POLR3G: variants seen among roughly 807,000 people sequenced by gnomAD.
POLR3G encodes the protein DNA-directed RNA polymerase III subunit RPC7.
In POLR3G, 28 loss-of-function variants were observed where a neutral mutation model predicts 30.1. The observed-to-expected ratio is 0.93, with a 90% CI of 0.69 to 1.27. The LOEUF (loss-of-function observed/expected upper bound fraction) is 1.27, where lower values mean the gene tolerates loss of function less well. POLR3G is among the 50% of genes most tolerant of loss of function. The probability of loss-of-function intolerance (pLI) is 0.00; values close to 1 mark genes in which losing one functional copy is unlikely to be tolerated. For synonymous variants in POLR3G, 79 were observed against 82.5 expected, an observed-to-expected ratio of 0.96 and a Z score of 0.23; for missense variants, 254 against 264.6, an observed-to-expected ratio of 0.96 and a Z score of 0.28.
chr5:90,479,433 A>C (rs1356463784), intron 1 of POLR3G, among the ~76,000 whole-genome samples: 4 of 152,166 alleles, frequency 2.6e-5, no homozygotes, highest in Admixed American at 1.3e-4. Flanking sequence ...AGATCGCACC[A>C]ATGCACTCCA....
chr5:90,489,554 A>G (rs955445913), intron 3 of POLR3G, among the ~76,000 whole-genome samples: 1 of 152,098 alleles, frequency 6.6e-6, no homozygotes, highest in Admixed American at 6.5e-5. Context: ...GACGTGAGCC[A>G]CCATGCCCGG....
In POLR3G at chr5:90,495,663, C is replaced by CT; in HGVS notation, c.248-8dup. The CT allele has an allele frequency of 1.3e-6, 2 of 1,599,008 alleles. No homozygotes were observed. The highest frequency in any genetic ancestry group is 3.5e-5 in the Admixed American group (2 of 57,818). ...TGATTTTCCTAATGAGTTCTTTATTCTTTTTTCCCCTAGATATTGAAAGGT... is the reference window on the plus strand; with the variant it reads ...TGATTTTCCTAATGAGTTCTTTATTCTTTTTTTCCCCTAGATATTGAAAGGT... On this transcript the variant is annotated splice_polypyrimidine_tract_variant and intron_variant, in intron 3 of 7. Coordinates refer to ENST00000651687, the MANE Select transcript of POLR3G (RefSeq NM_006467.3).
chr5:90,475,780 C>T (rs1184270231), intron 1 of POLR3G, among the ~76,000 whole-genome samples: 6 of 152,154 alleles, frequency 3.9e-5, no homozygotes, highest in Non-Finnish European at 5.9e-5. Context: ...GGCGCGATCT[C>T]GTCTCACTGC....
At chr5:90,483,741 G>GA (rs1301151857) in intron 1 of POLR3G, among the ~76,000 whole-genome samples, 1 of 151,840 alleles carries the variant, frequency 6.6e-6, no homozygotes, top group African/African-American at 2.4e-5. Context: ...AGGTTGCAGT[G>GA]AAAAAAATAA....
Position 90,501,947 on chromosome 5 carries a change from A to C in POLR3G, c.397A>C (p.Thr133Pro). 1 of 1,613,644 alleles carries C rather than the reference A, an allele frequency of 6.2e-7. No individual in the cohort carries two copies. The highest frequency in any genetic ancestry group is 1.1e-5 in the South Asian group (1 of 91,030). The change falls in exon 6 of 8, where the codon ACA becomes CCA. Residue 133 changes from threonine (T) to proline (P), a missense_variant. Thr to Pro is a conservative substitution (Grantham distance 38). Transcript: ENST00000651687. ...PKKAKDAGKG[T>P]PLTNTEDVLK... Reference sequence around the variant, plus strand: ...AAAGGCAAAAGACGCAGGCAAAGGCACACCACTCACTAATACTGAAGATGT... The same window carrying C: ...AAAGGCAAAAGACGCAGGCAAAGGCCCACCACTCACTAATACTGAAGATGT...
intron 1 of POLR3G, among the ~76,000 whole-genome samples, chr5:90,475,713 T>C (rs1334612647): frequency 6.6e-6 from 1 of 152,040 alleles, no homozygotes; most frequent in African/African-American, 2.4e-5. Flanking sequence ...TTTAGGGTTT[T>C]TGTTTGTTTG....
intron 4 of POLR3G, among the ~76,000 whole-genome samples, chr5:90,497,281 T>TG (rs1459207234): frequency 6.6e-6 from 1 of 152,048 alleles, no homozygotes; most frequent in Non-Finnish European, 1.5e-5. Context: ...GCATAAGAAA[T>TG]ATATCAACTA....
At chr5:90,499,789 A>G (rs1422265219) in intron 5 of POLR3G, among the ~76,000 whole-genome samples, 5 of 152,108 alleles carry the variant, frequency 3.3e-5, no homozygotes, top group Admixed American at 6.6e-5. Flanking sequence ...TATTTAAGGC[A>G]GAGTATTTTT....
Position 90,495,791 on chromosome 5 carries a change from TG to T in POLR3G, c.304+59del, listed in dbSNP as rs1187234782. 7 of 1,507,830 alleles carry T rather than the reference TG, an allele frequency of 4.6e-6. No individual in the cohort carries two copies. The African/African-American group carries it at 5.8e-5, about 12-fold the overall frequency. 93.4% of individuals were successfully genotyped at this position (1,507,830 alleles called of 1,614,324 possible). ...TTTAAAGGCTGTCTCTCTCACCTCA[TG>T]TTTTTTTTTTAGAATAAGTTTTCTA... On this transcript the variant is annotated intron_variant, in intron 4 of 7. Transcript: ENST00000651687.
Position 90,487,378 on chromosome 5 carries a change from A to ATTTTTTTTTTTTTTTTTTTTTT in POLR3G, c.118-614_118-593dup, listed in dbSNP as rs59951999. On this transcript the variant is annotated intron_variant, in intron 2 of 7. Coordinates refer to ENST00000651687, the MANE Select transcript of POLR3G (RefSeq NM_006467.3). The stretch of plus-strand genomic sequence containing the variant: ...TTTTCTTTTTTTTTTTGGTACATTA[A>ATTTTTTTTTTTTTTTTTTTTTT]TTTTTTTTTTTTTTTTTTTTTTTTT... Among the ~76,000 whole-genome samples, 9 of 57,028 alleles carry ATTTTTTTTTTTTTTTTTTTTTT rather than the reference A, an allele frequency of 1.6e-4. 1 individual carries two copies. Among genetic ancestry groups the ATTTTTTTTTTTTTTTTTTTTTT allele is most frequent in the African/African-American group, 7.1e-4 (9 of 12,634 alleles). The allele number at this position is 57,028 out of a possible 152,430, so 37.4% of individuals were successfully genotyped here.
At chr5:90,490,936 G>T (rs1751694876) in intron 3 of POLR3G, 1 of 157,440 alleles carries the variant, frequency 6.4e-6, no homozygotes, top group African/African-American at 2.4e-5. Context: ...TAGAGATGTT[G>T]CATGACTGTA....
At chr5:90,474,105 A>T, upstream of POLR3G, 1 of 1,577,322 alleles carries the variant, frequency 6.3e-7, no homozygotes. Flanking sequence ...TCGGTCCTGC[A>T]AGAGGCCGGA....
At chr5:90,477,750 C>G (rs972282365) in intron 1 of POLR3G, among the ~76,000 whole-genome samples, 6 of 152,092 alleles carry the variant, frequency 3.9e-5, no homozygotes, top group Admixed American at 2.0e-4. Flanking sequence ...TTGGACGAAA[C>G]GCGCAAAGCA....
At position 90,511,969 on chromosome 5, in the gene POLR3G, A is replaced by T. The variant is rs1752758345; in HGVS notation, c.586-84A>T. On this transcript the variant is annotated intron_variant, in intron 7 of 7. Coordinates refer to ENST00000651687, the MANE Select transcript of POLR3G (RefSeq NM_006467.3). ...AACTGTTGTGTTTTTGAAGCAGATA[A>T]AAAGCAGAGACTTTTAGGCCTGGAA... 3.2e-6 allele frequency: 3 copies of T among 929,526 alleles called. No homozygotes were observed. In the East Asian group the frequency reaches 7.6e-5, roughly 24 times the overall value. The allele number at this position is 929,526 out of a possible 1,614,324, so 57.6% of individuals were successfully genotyped here. A position where few individuals can be genotyped will look rare whatever the true frequency, so the allele number is the denominator to read the frequency against.
At chr5:90,477,393 T>C (rs1750887580) in intron 1 of POLR3G, among the ~76,000 whole-genome samples, 1 of 152,082 alleles carries the variant, frequency 6.6e-6, no homozygotes, top group African/African-American at 2.4e-5. Flanking sequence ...GCAGAGTGGA[T>C]TGAAAGGGAG....
rs1454332223 is a variant in POLR3G at position 90,512,828 on chromosome 5, T to C, written c.*689T>C. ...AGACTTAATACTGTATATGAATTAA[T>C]CATCCCACTGTAATAACTGACATCT... is the stretch of plus-strand genomic sequence containing the variant. On this transcript the variant is annotated 3_prime_UTR_variant, in exon 8 of 8. Coordinates refer to ENST00000651687, the MANE Select transcript of POLR3G (RefSeq NM_006467.3). 1 of 152,246 alleles carries C rather than the reference T, an allele frequency of 6.6e-6. No individual in the cohort carries two copies. Among genetic ancestry groups the C allele is most frequent in the African/African-American group, 2.4e-5 (1 of 41,458 alleles). The allele number at this position is 152,246 out of a possible 1,614,324, so 9.4% of individuals were successfully genotyped here.
chr5:90,481,195 G>A (rs1751106200), intron 1 of POLR3G, among the ~76,000 whole-genome samples: 2 of 152,014 alleles, frequency 1.3e-5, no homozygotes, highest in African/African-American at 4.8e-5. Context: ...GAAAACTGAT[G>A]GACACTTTAT....
chr5:90,492,010 AT>A (rs1204248691), intron 3 of POLR3G, among the ~76,000 whole-genome samples: 2 of 152,198 alleles, frequency 1.3e-5, no homozygotes, highest in Non-Finnish European at 2.9e-5. Flanking sequence ...ACAATTGAAA[AT>A]TTCAAAAATT....
At position 90,506,634 on chromosome 5, in the gene POLR3G, C is replaced by T; in HGVS notation, c.545C>T (p.Ala182Val). The T allele has an allele frequency of 1.9e-6, 3 of 1,612,724 alleles. No individual in the cohort carries two copies. Among genetic ancestry groups the T allele is most frequent in the Non-Finnish European group, 2.5e-6 (3 of 1,179,266 alleles). The change falls in exon 7 of 8, where the codon GCC becomes GTC. Residue 182 changes from alanine (A) to valine (V), a missense_variant. Physicochemically the swap from Ala to Val is moderately conservative, Grantham distance 64. Transcript: ENST00000651687. ...KEGDDDDDDD[A>V]AEQEEYDEEE... ...GGTGATGATGACGATGACGATGATGCCGCAGAACAGGAGGAATATGATGAA... is the reference window on the plus strand; with the variant it reads ...GGTGATGATGACGATGACGATGATGTCGCAGAACAGGAGGAATATGATGAA...
Sources: allele counts gnomAD v4.1 joint callset (sites outside exome capture counted in the v4.1 genomes callset), GRCh38; gene constraint gnomAD v4.1.1; transcripts MANE v1.5; gene names NCBI Gene and HGNC (gene_info 2026-07-23, HGNC 2026-07-21).